The following SPEG variants were observed in gnomAD, a reference collection of about 807,000 sequenced individuals.
SPEG encodes striated muscle preferentially expressed protein kinase.
A neutral mutation model predicts 300.4 loss-of-function variants in SPEG; 114 were observed. The ratio of observed to expected loss-of-function variants is 0.38; its 90% CI spans 0.33 to 0.44. The LOEUF is 0.44. Ranked by LOEUF, SPEG falls within the 20% of genes least tolerant of loss-of-function variation. The pLI, the probability that SPEG is intolerant of heterozygous loss-of-function variation, is 1.00. For synonymous variants in SPEG, 1,964 were observed against 2,018.9 expected (o/e 0.97, Z 0.73); for missense variants, 4,201 against 4,586.2 (o/e 0.92, Z 2.43).
Position 219,473,935 on chromosome 2 carries a change from C to T in SPEG, c.4447+32C>T, listed in dbSNP as rs372415231. ...GACAGCGGGCCTTCTTCCTAGCCTCCCTCCAAGGCCCAAAGCTCTCTACTC... is the reference window on the plus strand; with the variant it reads ...GACAGCGGGCCTTCTTCCTAGCCTCTCTCCAAGGCCCAAAGCTCTCTACTC... On this transcript the variant is annotated intron_variant, in intron 18 of 40. Coordinates refer to ENST00000312358, the MANE Select transcript of SPEG (RefSeq NM_005876.5). This position sits in a 1 kb window ranked among gnomAD's most constrained non-coding sequence, Gnocchi z 4.6. The T allele has an allele frequency of 5.4e-4, 849 of 1,578,798 alleles. No individual in the cohort carries two copies. The highest frequency in any genetic ancestry group is 6.9e-4 in the Non-Finnish European group (806 of 1,163,750).
intron 13 of SPEG, among the ~76,000 whole-genome samples, chr2:219,469,627 A>G (rs1269993160): frequency 6.6e-6 from 1 of 152,164 alleles, no homozygotes; most frequent in Non-Finnish European, 1.5e-5. Flanking sequence ...ACTGCCTGCT[A>G]CTAACCCGCA....
Position 219,444,510 on chromosome 2 carries a change from G to T in SPEG, c.389-143G>T. On this transcript the variant is annotated intron_variant, in intron 1 of 40. Coordinates refer to ENST00000312358, the MANE Select transcript of SPEG (RefSeq NM_005876.5). The surrounding 1 kb of genome is among the most constrained non-coding windows in gnomAD (Gnocchi z 7.8). ...GAGCAGCCCAGGCTGGGCAGGGGAT[G>T]TGGGGAGCAAAAGAGAGGAGGTGCT... 1.4e-6 allele frequency: 1 copy of T among 690,510 alleles called. No homozygotes were observed. The highest frequency in any genetic ancestry group is 1.8e-5 in the South Asian group (1 of 56,024). 42.8% of individuals were successfully genotyped at this position (690,510 alleles called of 1,614,324 possible).
Position 219,443,937 on chromosome 2 carries a change from C to T in SPEG, c.389-716C>T. 3.5e-6 allele frequency: 4 copies of T among 1,127,532 alleles called. No homozygotes were observed. In the Middle Eastern group the frequency reaches 9.2e-4, roughly 259 times the overall value. 69.8% of individuals were successfully genotyped at this position (1,127,532 alleles called of 1,614,324 possible). Reference sequence around the variant, plus strand: ...TCTGGGGACTGGGTGCCTCACGCCCCTTCTGTCTTGACTGCCCTCCATGCC... The same window carrying T: ...TCTGGGGACTGGGTGCCTCACGCCCTTTCTGTCTTGACTGCCCTCCATGCC... On this transcript the variant is annotated intron_variant, in intron 1 of 40. Transcript: ENST00000312358. The surrounding 1 kb of genome is among the most constrained non-coding windows in gnomAD (Gnocchi z 4.6).
intron 1 of SPEG, among the ~76,000 whole-genome samples, chr2:219,440,807 C>A (rs955215029): frequency 2.0e-5 from 3 of 152,184 alleles, no homozygotes; most frequent in African/African-American, 7.2e-5. Context: ...ATTAAATGAG[C>A]TCATTCACAT....
At chr2:219,467,560 G>A in intron 10 of SPEG, 126 bp downstream of exon 10, 1 of 1,128,170 alleles carries the variant, frequency 8.9e-7, no homozygotes, top group Non-Finnish European at 1.3e-6. Flanking sequence ...GGGAGGGTGG[G>A]AGCTAGTACA....
Position 219,485,034 on chromosome 2 carries a change from C to T in SPEG, c.7571C>T (p.Ser2524Phe). The change falls in exon 30 of 41, where the codon TCC becomes TTC. Residue 2524 changes from serine (S) to phenylalanine (F), a missense_variant. Around this residue, in one of 4 missense-constraint regions of SPEG, gnomAD observed 1,578 missense variants for 1,506.0 expected, o/e 1.05. Coordinates refer to ENST00000312358, the MANE Select transcript of SPEG (RefSeq NM_005876.5). ...GGCGCCACCACGCCTTCCGCCGAGTCCCTGGGCTCCGAGGCCAGCGCCACG... is the reference window on the plus strand; with the variant it reads ...GGCGCCACCACGCCTTCCGCCGAGTTCCTGGGCTCCGAGGCCAGCGCCACG... Reference protein sequence around the residue: ...QAGATTPSAESLGSEASATSG... With the variant: ...QAGATTPSAEFLGSEASATSG... 1.3e-6 allele frequency: 2 copies of T among 1,532,396 alleles called. No individual in the cohort carries two copies. Among genetic ancestry groups the T allele is most frequent in the Admixed American group, 2.0e-5 (1 of 50,906 alleles). The allele number at this position is 1,532,396 out of a possible 1,614,324, so 94.9% of individuals were successfully genotyped here.
intron 1 of SPEG, chr2:219,442,149 G>T: frequency 9.6e-7 from 1 of 1,036,616 alleles, no homozygotes; most frequent in Non-Finnish European, 1.2e-6. Context: ...CGGAGGGAGG[G>T]CGGGTCACCG....
intron 3 of SPEG, among the ~76,000 whole-genome samples, chr2:219,447,360 C>T (rs949442380): frequency 5.9e-5 from 9 of 152,166 alleles, no homozygotes; most frequent in African/African-American, 2.2e-4. Flanking sequence ...CTGCTGTGTC[C>T]CATCAGTGCT....
At chr2:219,450,919 A>T in intron 4 of SPEG, 1 of 502,174 alleles carries the variant, frequency 2.0e-6, no homozygotes, top group Non-Finnish European at 3.5e-6. Context: ...ACATGGAGTC[A>T]AGGCTGCCCT....
intron 30 of SPEG, 135 bp from the exon 31 acceptor site, chr2:219,485,211 G>T: frequency 6.7e-7 from 1 of 1,483,002 alleles, no homozygotes; most frequent in Non-Finnish European, 9.1e-7. Context: ...CAGGGCTGGA[G>T]GGGAGGAAAG....
At position 219,480,243 on chromosome 2, in the gene SPEG, C is replaced by A; in HGVS notation, c.5342+103C>A. 1 of 1,300,434 alleles carries A rather than the reference C, an allele frequency of 7.7e-7. No individual in the cohort carries two copies. The highest frequency in any genetic ancestry group is 1.1e-6 in the Non-Finnish European group (1 of 929,784). The allele number at this position is 1,300,434 out of a possible 1,614,324, so 80.6% of individuals were successfully genotyped here. On this transcript the variant is annotated intron_variant, in intron 25 of 40. Coordinates refer to ENST00000312358, the MANE Select transcript of SPEG (RefSeq NM_005876.5). The surrounding 1 kb of genome is among the most constrained non-coding windows in gnomAD (Gnocchi z 5.3). ...GAGATTTACCGAGCCTGAATTCCTC[C>A]TGAAGGTGGGCTGGAGGCATTGTTT...
rs1355928067 is a variant in SPEG at position 219,440,033 on chromosome 2, A to G, written c.389-4620A>G. On this transcript the variant is annotated intron_variant, in intron 1 of 40. Transcript: ENST00000312358. ...TACTTGTAATTTGCTTTGATGCTCT[A>G]GGAAACAAGAACACCTGTATGCACC... Among the ~76,000 whole-genome samples, 4 of 152,314 alleles carry G rather than the reference A, an allele frequency of 2.6e-5. 1 individual carries two copies. Among genetic ancestry groups the G allele is most frequent in the Middle Eastern group, 6.8e-3 (2 of 294 alleles).
Position 219,451,480 on chromosome 2 carries a change from C to T in SPEG, c.2258-145C>T. 4.5e-6 allele frequency: 5 copies of T among 1,123,126 alleles called. No homozygotes were observed. In the South Asian group the frequency reaches 5.3e-5, roughly 12 times the overall value. 69.6% of individuals were successfully genotyped at this position (1,123,126 alleles called of 1,614,324 possible). A position where few individuals can be genotyped will look rare whatever the true frequency, so the allele number is the denominator to read the frequency against. ...AGAGAAGGGAGGGCAACCTGAGCTT[C>T]CCAAAATGAGGGCGGACTCTTCCAG... On this transcript the variant is annotated intron_variant, in intron 5 of 40. Coordinates refer to ENST00000312358, the MANE Select transcript of SPEG (RefSeq NM_005876.5). The surrounding 1 kb of genome is among the most constrained non-coding windows in gnomAD (Gnocchi z 6.4).
intron 36 of SPEG, 22 bp from the exon 37 acceptor site, chr2:219,490,387 T>C (rs1232830585): frequency 3.7e-6 from 6 of 1,601,498 alleles, no homozygotes; most frequent in Non-Finnish European, 5.1e-6. Flanking sequence ...GAGCCGGTGG[T>C]GTCCCTCCCC....
Position 219,435,015 on chromosome 2 carries a change from G to A in SPEG, c.38G>A (p.Gly13Asp), listed in dbSNP as rs922824892. ...KARGTRGEDA[G>D]TRAPPSPGVP... ...CGGGGCACGCGAGGCGAGGATGCGG[G>A]CACGAGGGCACCCCCCAGCCCCGGA... is the stretch of plus-strand genomic sequence containing the variant. Residue 13 changes from glycine (G) to aspartate (D), a missense_variant, in exon 1 of 41, where the codon GGC (glycine) becomes GAC (aspartate). Around this residue, in one of 4 missense-constraint regions of SPEG, gnomAD observed 1,258 missense variants for 1,293.9 expected, o/e 0.97. Coordinates refer to ENST00000312358, the MANE Select transcript of SPEG (RefSeq NM_005876.5). The A allele has an allele frequency of 4.0e-6, 6 of 1,503,632 alleles. No individual in the cohort carries two copies. Among genetic ancestry groups the A allele is most frequent in the Admixed American group, 2.1e-5 (1 of 48,168 alleles). 93.1% of individuals were successfully genotyped at this position (1,503,632 alleles called of 1,614,324 possible).
In SPEG at chr2:219,472,259, C is replaced by G; in HGVS notation, c.3868C>G (p.Gln1290Glu). ...VVPGPPDGAP[Q>E]VVAVTGRMVT... ...CCCAGGCCCTCCAGATGGCGCCCCGCAGGTGGTGGCTGTGACGGGGAGGAT... is the reference window on the plus strand; with the variant it reads ...CCCAGGCCCTCCAGATGGCGCCCCGGAGGTGGTGGCTGTGACGGGGAGGAT... The change falls in exon 15 of 41, where the codon CAG becomes GAG. Residue 1290 changes from glutamine (Q) to glutamate (E), a missense_variant. Gln to Glu is a conservative substitution (Grantham distance 29). Coordinates refer to ENST00000312358, the MANE Select transcript of SPEG (RefSeq NM_005876.5). The G allele has an allele frequency of 3.1e-6, 5 of 1,613,876 alleles. No individual in the cohort carries two copies. Among genetic ancestry groups the G allele is most frequent in the Non-Finnish European group, 4.2e-6 (5 of 1,180,006 alleles).
At position 219,484,510 on chromosome 2, in the gene SPEG, G is replaced by T; in HGVS notation, c.7047G>T (p.Leu2349=). 1 of 1,603,642 alleles carries T rather than the reference G, an allele frequency of 6.2e-7. No homozygotes were observed. Among genetic ancestry groups the T allele is most frequent in the Non-Finnish European group, 8.5e-7 (1 of 1,177,282 alleles). ...RSRESPLSLG[L]RLLSRSRSEE... ...GCGAGTCGCCCCTGTCGCTGGGGCT[G>T]CGGCTGCTGAGCCGTTCGCGCTCGG... The change falls in exon 30 of 41, where the codon CTG becomes CTT. Residue 2349 remains leucine, a synonymous_variant. Coordinates refer to ENST00000312358, the MANE Select transcript of SPEG (RefSeq NM_005876.5).
intron 9 of SPEG, chr2:219,466,326 C>T (rs1039559314): frequency 2.8e-5 from 39 of 1,406,584 alleles, no homozygotes; most frequent in African/African-American, 2.7e-4. Context: ...TGGGAAGGGG[C>T]GGCTGCGAGG....
At position 219,462,075 on chromosome 2, in the gene SPEG, G is replaced by A; in HGVS notation, c.2616+18G>A. ...CCTTCAAGGTCAGACCCCTGAGGCTGGGGCCTAGCCTCCTGTGTGCCCCCG... is the reference window on the plus strand; with the variant it reads ...CCTTCAAGGTCAGACCCCTGAGGCTAGGGCCTAGCCTCCTGTGTGCCCCCG... On this transcript the variant is annotated intron_variant, in intron 7 of 40. Coordinates refer to ENST00000312358, the MANE Select transcript of SPEG (RefSeq NM_005876.5). 1 of 1,583,742 alleles carries A rather than the reference G, an allele frequency of 6.3e-7. No individual in the cohort carries two copies. The highest frequency in any genetic ancestry group is 1.4e-5 in the African/African-American group (1 of 73,356).
Sources: gnomAD v4.1 joint callset for allele counts (sites outside exome capture counted in the v4.1 genomes callset) on GRCh38, gnomAD v4.1.1 for gene constraint, gnomAD v4.1.1 regional missense constraint, Gnocchi (gnomAD v3.1) non-coding constraint, MANE v1.5 for transcripts, NCBI Gene and HGNC (gene_info 2026-07-23, HGNC 2026-07-21) for gene names.